The following CENPK variants were observed in gnomAD, a reference collection of about 807,000 sequenced individuals.
The protein encoded by CENPK is SoxLZ/Sox6-binding protein Solt.
CENPK carries 46 observed loss-of-function variants against 40.9 expected under a neutral mutation model. The observed-to-expected ratio is 1.13, with a 90% CI of 0.89 to 1.44. CENPK has a LOEUF of 1.44. CENPK is among the 40% of genes most tolerant of loss of function. The pLI is 0.00. For synonymous variants in CENPK, 107 were observed against 104.4 expected, an observed-to-expected ratio of 1.02 and a Z score of -0.15; for missense variants, 288 against 303.5, an observed-to-expected ratio of 0.95 and a Z score of 0.38.
chr5:65,527,789 T>C (rs1180287359), intron 9 of CENPK, among the ~76,000 whole-genome samples: 1 of 151,990 alleles, frequency 6.6e-6, no homozygotes, highest in East Asian at 1.9e-4. Flanking sequence ...GCACTATCAA[T>C]TTTTAAACAT....
At chr5:65,527,498 CATATATATATATATATATATATATAT>C (rs70983674) in intron 9 of CENPK, among the ~76,000 whole-genome samples, 5,471 of 91,732 alleles carry the variant, frequency 0.06, 375 homozygotes, top group African/African-American at 0.18. Context: ...TTATTAACAC[CATATATATATATATATATATATATAT>C]ATATATATAT....
chr5:65,544,369 C>A (rs1561668495), intron 5 of CENPK, among the ~76,000 whole-genome samples: 1 of 151,858 alleles, frequency 6.6e-6, no homozygotes, highest in African/African-American at 2.4e-5. Flanking sequence ...CAGCTACTAT[C>A]AAAAAAACAG....
downstream of CENPK, among the ~76,000 whole-genome samples, chr5:65,512,885 C>A (rs988475611): frequency 8.5e-5 from 13 of 152,186 alleles, no homozygotes; most frequent in African/African-American, 3.1e-4. Flanking sequence ...GTGGTAGGCA[C>A]ATAGTGATAT....
downstream of CENPK, among the ~76,000 whole-genome samples, chr5:65,516,833 G>A (rs1384943790): frequency 6.6e-6 from 1 of 152,058 alleles, no homozygotes; most frequent in Non-Finnish European, 1.5e-5. Flanking sequence ...GTCATAAAAT[G>A]CAATAAAGTA....
At chr5:65,535,541 C>A (rs910418762) in intron 6 of CENPK, among the ~76,000 whole-genome samples, 1 of 152,162 alleles carries the variant, frequency 6.6e-6, no homozygotes, top group Admixed American at 6.5e-5. Flanking sequence ...TTACACAATA[C>A]CTGACTGACT....
At chr5:65,544,888 T>A (rs759962197) in intron 5 of CENPK, among the ~76,000 whole-genome samples, 1 of 151,864 alleles carries the variant, frequency 6.6e-6, no homozygotes, top group Admixed American at 6.6e-5. Context: ...AAAAGGAGAG[T>A]TGTTGTTTAA....
At chr5:65,557,629 T>C (rs1751214537) in intron 2 of CENPK, among the ~76,000 whole-genome samples, 1 of 152,240 alleles carries the variant, frequency 6.6e-6, no homozygotes, top group Non-Finnish European at 1.5e-5. Flanking sequence ...TTTCTGACAA[T>C]TAAGCCCCTA....
At chr5:65,553,434 C>CACTGGCCCAG (rs1455054531) in intron 3 of CENPK, among the ~76,000 whole-genome samples, 12 of 123,558 alleles carry the variant, frequency 9.7e-5, no homozygotes, top group African/African-American at 3.1e-4. Context: ...CATCCTGGGC[C>CACTGGCCCAG]GCAGGTTGGA....
intron 1 of CENPK, among the ~76,000 whole-genome samples, chr5:65,562,366 G>A (rs1324118716): frequency 2.0e-5 from 3 of 152,114 alleles, no homozygotes; most frequent in Admixed American, 6.5e-5. Flanking sequence ...AGACTTGCTA[G>A]GTAGAATGGT....
chr5:65,560,816 T>C (rs769523611), intron 2 of CENPK, among the ~76,000 whole-genome samples: 11 of 152,228 alleles, frequency 7.2e-5, no homozygotes, highest in Non-Finnish European at 1.6e-4. Flanking sequence ...CATGCATTTC[T>C]TGTGATCCAG....
chr5:65,496,339 G>T, the CENPK span, among the ~76,000 whole-genome samples: 1 of 152,202 alleles, frequency 6.6e-6, no homozygotes, highest in Admixed American at 6.5e-5. Flanking sequence ...ATTGATCACG[G>T]TGCTATTTCT....
chr5:65,538,017 T>G (rs754542671), intron 6 of CENPK, among the ~76,000 whole-genome samples: 5 of 152,230 alleles, frequency 3.3e-5, no homozygotes, highest in Non-Finnish European at 5.9e-5. Flanking sequence ...AGTATACCAT[T>G]TTACATTGCC....
downstream of CENPK, chr5:65,517,664 T>TA (rs1205211007): frequency 1.3e-5 from 2 of 152,208 alleles, no homozygotes; most frequent in African/African-American, 4.8e-5. Flanking sequence ...TAGGATTCTC[T>TA]AGTTTAGCTT....
At chr5:65,537,541 C>CT (rs1747151463) in intron 6 of CENPK, among the ~76,000 whole-genome samples, 1 of 152,146 alleles carries the variant, frequency 6.6e-6, no homozygotes, top group South Asian at 2.1e-4. Context: ...ACCTCGTGAT[C>CT]TGCCCACCTT....
intron 3 of CENPK, 60 bp downstream of exon 3, chr5:65,554,733 CTATT>C: frequency 1.1e-6 from 1 of 873,920 alleles, no homozygotes; most frequent in Non-Finnish European, 1.9e-6. Context: ...TTTCCTGAGT[CTATT>C]TATTATTGAA....
At chr5:65,515,226 C>T (rs1277586629), downstream of CENPK, among the ~76,000 whole-genome samples, 4 of 53,590 alleles carry the variant, frequency 7.5e-5, no homozygotes, top group Non-Finnish European at 1.1e-4. Flanking sequence ...TTTTTTGAGA[C>T]GGAGTCTTGC....
the CENPK span, among the ~76,000 whole-genome samples, chr5:65,497,490 G>C: frequency 6.6e-6 from 1 of 152,174 alleles, no homozygotes; most frequent in African/African-American, 2.4e-5. Context: ...AAGCAAAGGA[G>C]AAAGAGCAAC....
At chr5:65,528,849 C>G in intron 8 of CENPK, 70 bp downstream of exon 8, 2 of 1,032,948 alleles carry the variant, frequency 1.9e-6, no homozygotes, top group Non-Finnish European at 2.8e-6. Context: ...TTAACTTCAT[C>G]TATGTTTCAT....
intron 5 of CENPK, chr5:65,550,765 T>TAAA (rs1561683107): frequency 7.2e-5 from 11 of 152,100 alleles, no homozygotes; most frequent in African/African-American, 2.7e-4. Flanking sequence ...GCTCTCACAT[T>TAAA]TAAAAAAAAA....
Sources: allele counts gnomAD v4.1 joint callset (sites outside exome capture counted in the v4.1 genomes callset), GRCh38; gene constraint gnomAD v4.1.1; transcripts MANE v1.5; gene names NCBI Gene and HGNC (gene_info 2026-07-23, HGNC 2026-07-21).